FSBP: variants seen among roughly 807,000 people sequenced by gnomAD.
FSBP encodes fibrinogen silencer binding protein.
FSBP carries 18 observed loss-of-function variants against 24.6 expected under a neutral mutation model. That is an observed-to-expected ratio of 0.73 (90% CI 0.51 to 1.08). The LOEUF (loss-of-function observed/expected upper bound fraction) is 1.08, where lower values mean the gene tolerates loss of function less well. FSBP is among the 50% of genes least tolerant of loss of function. FSBP has a pLI of 0.00. For synonymous variants in FSBP, 110 were observed against 125.8 expected (o/e 0.87, Z 0.84); for missense variants, 305 against 347.6 (o/e 0.88, Z 0.98).
Position 94,432,653 on chromosome 8 carries a change from T to G in FSBP, c.378A>C (p.Ala126=). The change falls in exon 2 of 2, where the codon GCA becomes GCC. Residue 126 remains alanine, a synonymous_variant. Coordinates refer to ENST00000481490, the MANE Select transcript of FSBP (RefSeq NM_001256141.2). ...LVRDRNHIQS[A]NLDEEAQAGT... ...CAGCCTGTGCCTCCTCATCCAAGTTTGCACTATAGCACACAAAAAAGCATT... is the reference window on the plus strand; with the variant it reads ...CAGCCTGTGCCTCCTCATCCAAGTTGGCACTATAGCACACAAAAAAGCATT... 1 of 1,528,802 alleles carries G rather than the reference T, an allele frequency of 6.5e-7. No individual in the cohort carries two copies. The highest frequency in any genetic ancestry group is 8.8e-7 in the Non-Finnish European group (1 of 1,135,664). The allele number at this position is 1,528,802 out of a possible 1,614,324, so 94.7% of individuals were successfully genotyped here. A position where few individuals can be genotyped will look rare whatever the true frequency, so the allele number is the denominator to read the frequency against.
At position 94,432,253 on chromosome 8, in the gene FSBP, TCTC is replaced by T. The variant is rs1455767214; in HGVS notation, c.775_777del (p.Glu259del). The T allele has an allele frequency of 2.6e-6, 4 of 1,550,386 alleles. No homozygotes were observed. In the East Asian group the frequency reaches 7.3e-5, roughly 28 times the overall value. On this transcript the variant is annotated inframe_deletion, in exon 2 of 2. Transcript: ENST00000481490. ...TGCCTTCTTTTCAATCCATCCCTCT[TCTC>T]CTGAACATACAATCCAAAATTTTTT...
Position 94,436,837 on chromosome 8 carries a change from G to A in FSBP, c.32C>T (p.Thr11Ile), listed in dbSNP as rs1812277490. 1 of 1,541,040 alleles carries A rather than the reference G, an allele frequency of 6.5e-7. No individual in the cohort carries two copies. Among genetic ancestry groups the A allele is most frequent in the Non-Finnish European group, 8.7e-7 (1 of 1,143,724 alleles). Residue 11 changes from threonine to isoleucine, a missense_variant, in exon 1 of 2, where the codon ACC (threonine) becomes ATC (isoleucine). By Grantham distance (89) the Thr-to-Ile change is moderately conservative. Coordinates refer to ENST00000481490, the MANE Select transcript of FSBP (RefSeq NM_001256141.2). ...TAGCAAATCAAGCTTTTCGGATAAG[G>A]TAAAATTGGAAGATCTAGCCTTTCC... MVGKARSSNF[T>I]LSEKLDLLKL...
rs970953833 is a variant in FSBP, at chr8:94,436,375, A to T, written c.374+120T>A. Reference sequence around the variant, plus strand: ...TCTTTTTAAAAAATGCAAAACAAAGACACTATTCATTGCTCCCGTTGTGGG... The same window carrying T: ...TCTTTTTAAAAAATGCAAAACAAAGTCACTATTCATTGCTCCCGTTGTGGG... On this transcript the variant is annotated intron_variant, in intron 1 of 1. Transcript: ENST00000481490. 43 of 1,268,674 alleles carry T rather than the reference A, an allele frequency of 3.4e-5. 1 individual carries two copies. In the Middle Eastern group the frequency reaches 1.3e-3, roughly 39 times the overall value. The allele number at this position is 1,268,674 out of a possible 1,614,324, so 78.6% of individuals were successfully genotyped here.
rs763055861 is a variant in FSBP, at chr8:94,432,685, T to C, written c.375-29A>G. 6.1e-5 allele frequency: 87 copies of C among 1,431,760 alleles called. 1 individual carries two copies. The East Asian group carries it at 1.8e-3, about 29-fold the overall frequency. The allele number at this position is 1,431,760 out of a possible 1,614,324, so 88.7% of individuals were successfully genotyped here. A position where few individuals can be genotyped will look rare whatever the true frequency, so the allele number is the denominator to read the frequency against. ...TAGCACACAAAAAAGCATTATAATA[T>C]GTAAATCAAATGAAGAAAAAGTGTA... On this transcript the variant is annotated intron_variant, in intron 1 of 1. Transcript: ENST00000481490.
At position 94,428,585 on chromosome 8, in the gene FSBP, T is replaced by C. The variant is rs760570291; in HGVS notation, c.*3546A>G. 1.8e-5 allele frequency: 7 copies of C among 390,682 alleles called. No individual in the cohort carries two copies. Among genetic ancestry groups the C allele is most frequent in the African/African-American group, 1.5e-4 (7 of 45,536 alleles). The allele number at this position is 390,682 out of a possible 1,614,324, so 24.2% of individuals were successfully genotyped here. On this transcript the variant is annotated 3_prime_UTR_variant, in exon 2 of 2. Transcript: ENST00000481490. Reference sequence around the variant, plus strand: ...ACAAGTGAGCCCCAAAACTGGGGATTAGCCCAACTCCTACCTCAGTTATAC... The same window carrying C: ...ACAAGTGAGCCCCAAAACTGGGGATCAGCCCAACTCCTACCTCAGTTATAC...
Position 94,431,996 on chromosome 8 carries a change from T to G in FSBP, c.*135A>C. The G allele has an allele frequency of 7.7e-7, 1 of 1,302,812 alleles. No homozygotes were observed. The highest frequency in any genetic ancestry group is 2.5e-5 in the South Asian group (1 of 39,594). 80.7% of individuals were successfully genotyped at this position (1,302,812 alleles called of 1,614,324 possible). A position where few individuals can be genotyped will look rare whatever the true frequency, so the allele number is the denominator to read the frequency against. On this transcript the variant is annotated 3_prime_UTR_variant, in exon 2 of 2. Coordinates refer to ENST00000481490, the MANE Select transcript of FSBP (RefSeq NM_001256141.2). ...ATCTCAAAAGAAAATAATTAGAAAA[T>G]TATATCTAAAAAGTTTTTCCATAAT... is the stretch of plus-strand genomic sequence containing the variant.
Position 94,428,007 on chromosome 8 carries a change from T to C in FSBP, c.*4124A>G, listed in dbSNP as rs528885122. On this transcript the variant is annotated 3_prime_UTR_variant, in exon 2 of 2. Transcript: ENST00000481490. ...AAAAATACTTGACTATTTTAAGAAATCTGGTATTCGTTAGAAATGAGTTTC... is the reference window on the plus strand; with the variant it reads ...AAAAATACTTGACTATTTTAAGAAACCTGGTATTCGTTAGAAATGAGTTTC... The C allele has an allele frequency of 1.1e-6, 1 of 929,628 alleles. No homozygotes were observed. Among genetic ancestry groups the C allele is most frequent in the South Asian group, 5.0e-5 (1 of 20,082 alleles). The allele number at this position is 929,628 out of a possible 1,614,324, so 57.6% of individuals were successfully genotyped here. A position where few individuals can be genotyped will look rare whatever the true frequency, so the allele number is the denominator to read the frequency against.
rs1812135646 is a variant in FSBP at position 94,432,595 on chromosome 8, G to A, written c.436C>T (p.His146Tyr). 6 of 1,550,042 alleles carry A rather than the reference G, an allele frequency of 3.9e-6. No homozygotes were observed. Among genetic ancestry groups the A allele is most frequent in the Non-Finnish European group, 4.4e-6 (5 of 1,146,692 alleles). Residue 146 changes from histidine to tyrosine, a missense_variant, in exon 2 of 2, where the codon CAT becomes TAT. Transcript: ENST00000481490. Reference sequence around the variant, plus strand: ...ACCTCCACTGTAATAGCAACAGGATGGTGATCCAACATTACCTGTAGTGAA... The same window carrying A: ...ACCTCCACTGTAATAGCAACAGGATAGTGATCCAACATTACCTGTAGTGAA... ...TSSLQVMLDH[H>Y]PVAITVEVKQ...
At position 94,430,836 on chromosome 8, in the gene FSBP, T is replaced by C; in HGVS notation, c.*1295A>G. The C allele has an allele frequency of 1.0e-6, 1 of 985,450 alleles. No homozygotes were observed. Among genetic ancestry groups the C allele is most frequent in the Non-Finnish European group, 1.2e-6 (1 of 829,922 alleles). 61.0% of individuals were successfully genotyped at this position (985,450 alleles called of 1,614,324 possible). A position where few individuals can be genotyped will look rare whatever the true frequency, so the allele number is the denominator to read the frequency against. ...GCTAAACAGCAGCTACCCTACCTAG[T>C]CCAGGGAGATGTCCTTCCTAGTCCA... On this transcript the variant is annotated 3_prime_UTR_variant, in exon 2 of 2. Transcript: ENST00000481490.
chr8:94,434,783 T>C (rs773191949), intron 1 of FSBP, among the ~76,000 whole-genome samples: 1 of 151,688 alleles, frequency 6.6e-6, no homozygotes, highest in Non-Finnish European at 1.5e-5. Context: ...ATGTTTCTTA[T>C]ATTCTTCCCT....
At position 94,430,891 on chromosome 8, in the gene FSBP, A is replaced by G. The variant is rs576806830; in HGVS notation, c.*1240T>C. 16 of 985,394 alleles carry G rather than the reference A, an allele frequency of 1.6e-5. No homozygotes were observed. In the African/African-American group the frequency reaches 2.6e-4, roughly 16 times the overall value. 61.0% of individuals were successfully genotyped at this position (985,394 alleles called of 1,614,324 possible). A position where few individuals can be genotyped will look rare whatever the true frequency, so the allele number is the denominator to read the frequency against. On this transcript the variant is annotated 3_prime_UTR_variant, in exon 2 of 2. Coordinates refer to ENST00000481490, the MANE Select transcript of FSBP (RefSeq NM_001256141.2). ...ACTACAGCCCAAATTGACTCTCTCT[A>G]CATTCACTTAAAATCAATGGCTTAG... is the stretch of plus-strand genomic sequence containing the variant.
At chr8:94,432,962 A>C (rs576584612) in intron 1 of FSBP, among the ~76,000 whole-genome samples, 9 of 152,116 alleles carry the variant, frequency 5.9e-5, no homozygotes, top group Non-Finnish European at 1.0e-4. Context: ...CATGTTGTCA[A>C]ACAGACACCA....
rs1385944735 is a variant in FSBP, at chr8:94,430,088, C to A, written c.*2043G>T. 1 of 892,206 alleles carries A rather than the reference C, an allele frequency of 1.1e-6. No homozygotes were observed. The highest frequency in any genetic ancestry group is 1.2e-4 in the East Asian group (1 of 8,358). The allele number at this position is 892,206 out of a possible 1,614,324, so 55.3% of individuals were successfully genotyped here. On this transcript the variant is annotated 3_prime_UTR_variant, in exon 2 of 2. Transcript: ENST00000481490. The stretch of plus-strand genomic sequence containing the variant: ...CAGCACTTTGGGAGGCCGAGGCGGG[C>A]AGATCACGAGGTCAGGAGATCAAGA...
chr8:94,431,366 G>A lies in FSBP; in HGVS notation c.*765C>T, dbSNP rs570820221. 2.9e-5 allele frequency: 29 copies of A among 984,720 alleles called. No individual in the cohort carries two copies. Among genetic ancestry groups the A allele is most frequent in the Admixed American group, 6.1e-5 (1 of 16,276 alleles). The allele number at this position is 984,720 out of a possible 1,614,324, so 61.0% of individuals were successfully genotyped here. On this transcript the variant is annotated 3_prime_UTR_variant, in exon 2 of 2. Transcript: ENST00000481490. ...TTTTGCTGGAACAAAAATAGAGAGA[G>A]AATGGGGGTAATTGATGTAATTATC...
Position 94,428,325 on chromosome 8 carries a change from A to G in FSBP, c.*3806T>C, listed in dbSNP as rs2930958. ...CATGGACCCCAAACAATTGTCTATG[A>G]TATGCAAGATGTCTGGTGGCTTAAG... On this transcript the variant is annotated 3_prime_UTR_variant, in exon 2 of 2. Transcript: ENST00000481490. 0.37 allele frequency: 357,631 copies of G among 979,762 alleles called. 65,922 individuals are homozygous for G. The highest frequency in any genetic ancestry group is 0.5 in the Admixed American group (8,116 of 16,230). The allele number at this position is 979,762 out of a possible 1,614,324, so 60.7% of individuals were successfully genotyped here. A position where few individuals can be genotyped will look rare whatever the true frequency, so the allele number is the denominator to read the frequency against.
Position 94,432,741 on chromosome 8 carries a change from A to G in FSBP, c.375-85T>C, listed in dbSNP as rs978355106. The G allele has an allele frequency of 2.9e-6, 4 of 1,361,080 alleles. No individual in the cohort carries two copies. In the African/African-American group the frequency reaches 4.4e-5, roughly 15 times the overall value. 84.3% of individuals were successfully genotyped at this position (1,361,080 alleles called of 1,614,324 possible). A position where few individuals can be genotyped will look rare whatever the true frequency, so the allele number is the denominator to read the frequency against. On this transcript the variant is annotated intron_variant, in intron 1 of 1. Transcript: ENST00000481490. ...ATAGCATAATTTTAATTTAATGTAC[A>G]TTAAATGATAAAGCTTTAAAACTAT...
Position 94,427,928 on chromosome 8 carries a change from C to G in FSBP, c.*4203G>C. The G allele has an allele frequency of 1.1e-6, 1 of 897,472 alleles. No homozygotes were observed. The allele number at this position is 897,472 out of a possible 1,614,324, so 55.6% of individuals were successfully genotyped here. On this transcript the variant is annotated 3_prime_UTR_variant, in exon 2 of 2. Coordinates refer to ENST00000481490, the MANE Select transcript of FSBP (RefSeq NM_001256141.2). ...AAAGATAGAACAGGGTAGAATGACT[C>G]CTTAAAAAAAAAAATGAAATAACAC...
At position 94,428,764 on chromosome 8, in the gene FSBP, A is replaced by G; in HGVS notation, c.*3367T>C. 1 of 985,228 alleles carries G rather than the reference A, an allele frequency of 1.0e-6. No homozygotes were observed. Among genetic ancestry groups the G allele is most frequent in the South Asian group, 4.7e-5 (1 of 21,284 alleles). The allele number at this position is 985,228 out of a possible 1,614,324, so 61.0% of individuals were successfully genotyped here. A position where few individuals can be genotyped will look rare whatever the true frequency, so the allele number is the denominator to read the frequency against. On this transcript the variant is annotated 3_prime_UTR_variant, in exon 2 of 2. Coordinates refer to ENST00000481490, the MANE Select transcript of FSBP (RefSeq NM_001256141.2). The stretch of plus-strand genomic sequence containing the variant: ...CCATTGTACTAGCAAACTTTCCCCT[A>G]TATATTCCCCTTAATGAAACTTGTC...
chr8:94,430,011 A>C lies in FSBP; in HGVS notation c.*2120T>G. ...GGCTTCTCATTGTACGTTAAGTCTGACTCATTAAAAATAGTATTTAGGCTG... is the reference window on the plus strand; with the variant it reads ...GGCTTCTCATTGTACGTTAAGTCTGCCTCATTAAAAATAGTATTTAGGCTG... On this transcript the variant is annotated 3_prime_UTR_variant, in exon 2 of 2. Transcript: ENST00000481490. 1.0e-6 allele frequency: 1 copy of C among 985,238 alleles called. No individual in the cohort carries two copies. The highest frequency in any genetic ancestry group is 4.7e-5 in the South Asian group (1 of 21,278). 61.0% of individuals were successfully genotyped at this position (985,238 alleles called of 1,614,324 possible).
Sources: gnomAD v4.1 joint callset for allele counts (sites outside exome capture counted in the v4.1 genomes callset) on GRCh38, gnomAD v4.1.1 for gene constraint, MANE v1.5 for transcripts, NCBI Gene and HGNC (gene_info 2026-07-23, HGNC 2026-07-21) for gene names.